The following CLYBL variants were observed in gnomAD, a reference collection of about 807,000 sequenced individuals.
CLYBL encodes citramalyl-CoA lyase.
A neutral mutation model predicts 38.9 loss-of-function variants in CLYBL; 31 were observed. The observed-to-expected ratio is 0.80, with a 90% CI of 0.60 to 1.08. The LOEUF (loss-of-function observed/expected upper bound fraction) is 1.08, where lower values mean the gene tolerates loss of function less well. Among genes scored for constraint, CLYBL ranks in the 50% least tolerant of loss-of-function variants. The pLI is 0.00. For missense variants in CLYBL, 434 were observed against 411.6 expected (o/e 1.05, Z -0.47); for synonymous variants, 171 against 158.6 (o/e 1.08, Z -0.59).
At chr13:99,830,508 G>C (rs2050784252) in intron 2 of CLYBL, among the ~76,000 whole-genome samples, 1 of 152,208 alleles carries the variant, frequency 6.6e-6, no homozygotes, top group Non-Finnish European at 1.5e-5. Context: ...CTCAGCCCAG[G>C]AATGTTGCAG....
At chr13:99,664,952 A>G (rs1179847287) in intron 1 of CLYBL, among the ~76,000 whole-genome samples, 1 of 152,140 alleles carries the variant, frequency 6.6e-6, no homozygotes, top group African/African-American at 2.4e-5. Context: ...GGAAAATAAC[A>G]TCTTCCTTTT....
At chr13:99,669,604 C>A (rs966530367) in intron 1 of CLYBL, among the ~76,000 whole-genome samples, 4 of 152,126 alleles carry the variant, frequency 2.6e-5, no homozygotes, top group Non-Finnish European at 4.4e-5. Flanking sequence ...GAAAAGATTT[C>A]TTAGTTTACT....
rs535272412 is a variant in CLYBL, at chr13:99,787,947, C to T, written c.249+14937C>T. 1.6e-3 allele frequency among the ~76,000 whole-genome samples: 247 copies of T among 152,200 alleles called. 1 individual carries two copies. Among genetic ancestry groups the T allele is most frequent in the African/African-American group, 4.8e-3 (199 of 41,538 alleles). ...GTAAGTTGGATTCCTAGGTATTTTA[C>T]TCTCTTTGTAGCAATTGTGAATGAG... On this transcript the variant is annotated intron_variant, in intron 2 of 8. Coordinates refer to ENST00000339105, the MANE Select transcript of CLYBL (RefSeq NM_206808.5).
intron 1 of CLYBL, among the ~76,000 whole-genome samples, chr13:99,770,349 G>C (rs919742539): frequency 6.6e-6 from 1 of 151,706 alleles, no homozygotes; most frequent in East Asian, 1.9e-4. Flanking sequence ...ACGGAGTCTC[G>C]CTCTGTCACC....
At chr13:99,668,987 T>TATAGAGGGCA (rs2047524273) in intron 1 of CLYBL, among the ~76,000 whole-genome samples, 2 of 148,548 alleles carry the variant, frequency 1.3e-5, no homozygotes, top group African/African-American at 5.0e-5. Context: ...GATCTAGGGG[T>TATAGAGGGCA]GACTTTATAG....
At chr13:99,837,803 G>C (rs2050974555) in intron 2 of CLYBL, among the ~76,000 whole-genome samples, 1 of 152,164 alleles carries the variant, frequency 6.6e-6, no homozygotes, top group African/African-American at 2.4e-5. Flanking sequence ...GCCTTTAGAA[G>C]CACGTGTCCG....
At position 99,831,568 on chromosome 13, in the gene CLYBL, CAAAT is replaced by C. The variant is rs940756445; in HGVS notation, c.250-27277_250-27274del. 9.9e-5 allele frequency among the ~76,000 whole-genome samples: 15 copies of C among 151,870 alleles called. No individual in the cohort carries two copies. In the South Asian group the frequency reaches 2.1e-3, roughly 21 times the overall value. On this transcript the variant is annotated intron_variant, in intron 2 of 8. Coordinates refer to ENST00000339105, the MANE Select transcript of CLYBL (RefSeq NM_206808.5). ...CTTAAAATAAAATTTAAAAAATGAA[CAAAT>C]AAATAAATAAATAAAATAACTCTAT...
intron 2 of CLYBL, among the ~76,000 whole-genome samples, chr13:99,824,257 G>GCCCTCCCC (rs2050646713): frequency 1.5e-5 from 2 of 130,412 alleles, no homozygotes; most frequent in Non-Finnish European, 3.2e-5. Flanking sequence ...CTGACTAATA[G>GCCCTCCCC]CCCCCCCCAC....
At chr13:99,642,488 C>T (rs947853454) in intron 1 of CLYBL, among the ~76,000 whole-genome samples, 3 of 152,092 alleles carry the variant, frequency 2.0e-5, no homozygotes, top group African/African-American at 7.2e-5. Context: ...GATCACAGCT[C>T]ACTGCAGGTC....
chr13:99,789,332 T>TTA (rs1257730212), intron 2 of CLYBL, among the ~76,000 whole-genome samples: 7 of 152,226 alleles, frequency 4.6e-5, no homozygotes, highest in African/African-American at 7.2e-5. Flanking sequence ...CTTGTGGGCA[T>TTA]TTAGTGCTAT....
At chr13:99,880,831 A>G (rs1462424968) in intron 7 of CLYBL, among the ~76,000 whole-genome samples, 1 of 152,242 alleles carries the variant, frequency 6.6e-6, no homozygotes, top group Non-Finnish European at 1.5e-5. Flanking sequence ...CTACAGGGGA[A>G]GGGACGGGAG....
chr13:99,811,707 C>T (rs552667360), intron 2 of CLYBL, among the ~76,000 whole-genome samples: 76 of 152,268 alleles, frequency 5.0e-4, no homozygotes, highest in Non-Finnish European at 7.6e-4. Flanking sequence ...TAAAGCAGCC[C>T]GCCCCTCTGA....
At chr13:99,899,476 G>A (rs2152137003), downstream of CLYBL, among the ~76,000 whole-genome samples, 1 of 152,254 alleles carries the variant, frequency 6.6e-6, no homozygotes, top group African/African-American at 2.4e-5. Context: ...ATGAACTACT[G>A]TATTCAAAAG....
chr13:99,629,583 C>G (rs771818158), intron 1 of CLYBL, among the ~76,000 whole-genome samples: 2 of 152,190 alleles, frequency 1.3e-5, no homozygotes, highest in African/African-American at 4.8e-5. Flanking sequence ...CTGCTTGTCT[C>G]TTTGGCCACT....
chr13:99,724,971 C>T (rs984787877), intron 1 of CLYBL, among the ~76,000 whole-genome samples: 1 of 152,214 alleles, frequency 6.6e-6, no homozygotes, highest in South Asian at 2.1e-4. Flanking sequence ...TGATTAATTC[C>T]TTCTCTTTTC....
chr13:99,723,409 T>G (rs1050504193), intron 1 of CLYBL, among the ~76,000 whole-genome samples: 1 of 152,252 alleles, frequency 6.6e-6, no homozygotes, highest in Non-Finnish European at 1.5e-5. Context: ...CATTAAATTA[T>G]GAGCTTTCTT....
intron 2 of CLYBL, among the ~76,000 whole-genome samples, chr13:99,775,651 C>T (rs555793933): frequency 1.4e-4 from 22 of 152,138 alleles, no homozygotes; most frequent in Non-Finnish European, 2.4e-4. Flanking sequence ...TGGGACTATA[C>T]GCACCTACCA....
intron 1 of CLYBL, among the ~76,000 whole-genome samples, chr13:99,708,360 A>G (rs867353403): frequency 6.6e-6 from 1 of 152,232 alleles, no homozygotes; most frequent in Middle Eastern, 3.4e-3. Flanking sequence ...TTTATTTCCC[A>G]TTCATATACT....
downstream of CLYBL, chr13:99,893,612 A>G (rs2052532140): frequency 6.6e-6 from 1 of 152,338 alleles, no homozygotes; most frequent in Non-Finnish European, 1.5e-5. Context: ...GCCTAATCCA[A>G]AGAAGCCCTT....
Sources: gnomAD v4.1 joint callset for allele counts (sites outside exome capture counted in the v4.1 genomes callset) on GRCh38, gnomAD v4.1.1 for gene constraint, MANE v1.5 for transcripts, NCBI Gene and HGNC (gene_info 2026-07-23, HGNC 2026-07-21) for gene names.